The following CNN2 variants were observed in gnomAD, a reference collection of about 807,000 sequenced individuals.
CNN2 encodes the protein calponin-2.
Under a neutral mutation model 31.0 loss-of-function variants are expected in CNN2, and 21 were observed. That is an observed-to-expected ratio of 0.68 (90% CI 0.48 to 0.98). CNN2 has a LOEUF of 0.98. Ranked by LOEUF, CNN2 falls within the 50% of genes least tolerant of loss-of-function variation. CNN2 has a pLI of 0.00. For synonymous variants in CNN2, 165 were observed against 179.6 expected (o/e 0.92, Z 0.65); for missense variants, 399 against 427.3 (o/e 0.93, Z 0.58).
chr19:1,037,962 T>C lies in CNN2; in HGVS notation c.*62T>C, dbSNP rs2039625974. ...ATCTGGGTTTTTGGGTTTTTCTGTG[T>C]TTTCATCTTTTTTTTTTTTTTCTTA... is the stretch of plus-strand genomic sequence containing the variant. On this transcript the variant is annotated 3_prime_UTR_variant, in exon 7 of 7. Transcript: ENST00000263097. 2.1e-6 allele frequency: 3 copies of C among 1,399,148 alleles called. 1 individual carries two copies. The African/African-American group carries it at 5.9e-5, about 28-fold the overall frequency. 86.7% of individuals were successfully genotyped at this position (1,399,148 alleles called of 1,614,324 possible). A position where few individuals can be genotyped will look rare whatever the true frequency, so the allele number is the denominator to read the frequency against.
chr19:1,038,165 G>A lies in CNN2; in HGVS notation c.*265G>A. 1 of 400,364 alleles carries A rather than the reference G, an allele frequency of 2.5e-6. No individual in the cohort carries two copies. The highest frequency in any genetic ancestry group is 4.5e-6 in the Non-Finnish European group (1 of 224,110). The allele number at this position is 400,364 out of a possible 1,614,324, so 24.8% of individuals were successfully genotyped here. A position where few individuals can be genotyped will look rare whatever the true frequency, so the allele number is the denominator to read the frequency against. On this transcript the variant is annotated 3_prime_UTR_variant, in exon 7 of 7. Transcript: ENST00000263097. ...GCGAGGGTCCCTGCTGGCACATTCA[G>A]GCTGTGCTGGGAAGAAGAGACCTGG... is the stretch of plus-strand genomic sequence containing the variant.
In CNN2 at chr19:1,031,188, T is replaced by G; in HGVS notation, c.181T>G (p.Cys61Gly). Residue 61 changes from cysteine (C) to glycine (G), a missense_variant, in exon 2 of 7, where the codon TGC (cysteine) becomes GGC (glycine). Cys to Gly is a radical substitution (Grantham distance 159, BLOSUM62 -3). Coordinates refer to ENST00000263097, the MANE Select transcript of CNN2 (RefSeq NM_004368.4). ...GGGCCTGAAGGATGGAACTATCTTA[T>G]GCACGTGAGTACACGCAGGGACACA... Reference protein sequence around the residue: ...QKGLKDGTILCTLMNKLQPGS... With the variant: ...QKGLKDGTILGTLMNKLQPGS... The G allele has an allele frequency of 6.2e-7, 1 of 1,609,580 alleles. No homozygotes were observed. Among genetic ancestry groups the G allele is most frequent in the Non-Finnish European group, 8.5e-7 (1 of 1,177,050 alleles).
chr19:1,028,228 G>A (rs974382489), intron 1 of CNN2, among the ~76,000 whole-genome samples: 1 of 151,856 alleles, frequency 6.6e-6, no homozygotes, highest in Non-Finnish European at 1.5e-5. Flanking sequence ...AGCGGGCACA[G>A]GAGGGTGGGG....
At chr19:1,026,893 C>A in intron 1 of CNN2, 169 bp downstream of exon 1, 1 of 616,522 alleles carries the variant, frequency 1.6e-6, no homozygotes, top group Non-Finnish European at 2.7e-6. Context: ...CTGCGGGCAC[C>A]CCCTGAGGCT....
chr19:1,029,016 G>A (rs2039446074), intron 1 of CNN2, among the ~76,000 whole-genome samples: 1 of 151,998 alleles, frequency 6.6e-6, no homozygotes, highest in Non-Finnish European at 1.5e-5. Flanking sequence ...CAGGTCAGGG[G>A]ACCCTATCCC....
chr19:1,030,981 TC>T, intron 1 of CNN2, 89 bp from the exon 2 acceptor site: 2 of 1,458,344 alleles, frequency 1.4e-6, no homozygotes, highest in African/African-American at 1.4e-5. Context: ...TGCCCTGGAG[TC>T]CCCGGCCCCA....
chr19:1,026,875 G>C, intron 1 of CNN2, 151 bp downstream of exon 1: 1 of 718,128 alleles, frequency 1.4e-6, no homozygotes, highest in South Asian at 2.1e-5. Context: ...CGCCTGGTGG[G>C]GGGATGTCTG....
Position 1,032,714 on chromosome 19 carries a change from G to A in CNN2, c.390+18G>A. ...CGGGGAAGGTGAGGCCCAGAGAGGG[G>A]CAGCCACCTGCCCAGAGTCACACAG... On this transcript the variant is annotated intron_variant, in intron 4 of 6. Transcript: ENST00000263097. 1.3e-6 allele frequency: 2 copies of A among 1,575,964 alleles called. No individual in the cohort carries two copies. Among genetic ancestry groups the A allele is most frequent in the Non-Finnish European group, 1.7e-6 (2 of 1,151,930 alleles).
Position 1,036,222 on chromosome 19 carries a change from T to C in CNN2, c.483T>C (p.Ala161=). ...ATTTCGACGATGCCACCATGAAGGC[T>C]GGCCAGTGCGTCATCGGGCTGCAGG... ...ERNFDDATMK[A]GQCVIGLQMG... is the part of the protein sequence containing the mutation. Residue 161 remains alanine, a synonymous_variant, in exon 5 of 7, where the codon GCT becomes GCC. Coordinates refer to ENST00000263097, the MANE Select transcript of CNN2 (RefSeq NM_004368.4). 6.4e-7 allele frequency: 1 copy of C among 1,567,084 alleles called. No homozygotes were observed. Among genetic ancestry groups the C allele is most frequent in the Non-Finnish European group, 8.6e-7 (1 of 1,157,126 alleles).
intron 1 of CNN2, 86 bp from the exon 2 acceptor site, chr19:1,030,980 GTCCCC>G (rs2039479850): frequency 6.8e-7 from 1 of 1,466,168 alleles, no homozygotes; most frequent in South Asian, 1.3e-5. Flanking sequence ...TTGCCCTGGA[GTCCCC>G]GGCCCCACCC....
chr19:1,036,410 C>G lies in CNN2; in HGVS notation c.508-6C>G. Reference sequence around the variant, plus strand: ...AGTCTGACCTCTCCCACGAACCTCCCTGCAGATGGGCACCAACAAATGCGC... The same window carrying G: ...AGTCTGACCTCTCCCACGAACCTCCGTGCAGATGGGCACCAACAAATGCGC... On this transcript the variant is annotated splice_region_variant and splice_polypyrimidine_tract_variant and intron_variant, in intron 5 of 6. Transcript: ENST00000263097. 1 of 1,613,386 alleles carries G rather than the reference C, an allele frequency of 6.2e-7. No individual in the cohort carries two copies. Among genetic ancestry groups the G allele is most frequent in the African/African-American group, 1.3e-5 (1 of 75,026 alleles).
Position 1,038,057 on chromosome 19 carries a change from T to G in CNN2, c.*157T>G. The G allele has an allele frequency of 5.1e-6, 4 of 780,286 alleles. No homozygotes were observed. The highest frequency in any genetic ancestry group is 5.9e-6 in the Non-Finnish European group (3 of 505,396). 48.3% of individuals were successfully genotyped at this position (780,286 alleles called of 1,614,324 possible). A position where few individuals can be genotyped will look rare whatever the true frequency, so the allele number is the denominator to read the frequency against. On this transcript the variant is annotated 3_prime_UTR_variant, in exon 7 of 7. Coordinates refer to ENST00000263097, the MANE Select transcript of CNN2 (RefSeq NM_004368.4). ...CGTGGGATCAGGCAGCAGAGCTTTT[T>G]TCCCCTTTGCCTTGATCCTTCGCAA...
chr19:1,030,824 C>A, intron 1 of CNN2: 1 of 382,522 alleles, frequency 2.6e-6, no homozygotes, highest in African/African-American at 2.1e-5. Flanking sequence ...TGATGTTTAT[C>A]AGTGAGTTCT....
intron 1 of CNN2, among the ~76,000 whole-genome samples, chr19:1,027,287 G>T (rs12980170): frequency 0.057 from 8,737 of 152,310 alleles, 345 homozygotes; most frequent in East Asian, 0.11. Context: ...GCTTTGCACG[G>T]TCTTTGTCTC....
chr19:1,030,443 G>A (rs1329625905), intron 1 of CNN2, among the ~76,000 whole-genome samples: 2 of 152,044 alleles, frequency 1.3e-5, no homozygotes, highest in Admixed American at 6.6e-5. Context: ...TGGCTAACAC[G>A]GTGAAACCCC....
chr19:1,032,456 C>T lies in CNN2; in HGVS notation c.250C>T (p.Gln84Ter). The T allele has an allele frequency of 6.2e-7, 1 of 1,613,656 alleles. No individual in the cohort carries two copies. Among genetic ancestry groups the T allele is most frequent in the Non-Finnish European group, 8.5e-7 (1 of 1,179,970 alleles). The change falls in exon 3 of 7, where the codon CAG (glutamine) becomes TAG (stop). Residue 84 changes from glutamine to a stop codon, truncating the protein, a stop_gained and splice_region_variant. Transcript: ENST00000263097. LOFTEE classifies it high-confidence loss of function. ...KINRSMQNWH[Q>*]LENLSNFIKA... ...CAACCGCTCCATGCAGAACTGGCAC[C>T]AGGTGAGGGGCTGGTGGAGCGGAGC... is the stretch of plus-strand genomic sequence containing the variant.
intron 1 of CNN2, chr19:1,030,831 T>A: frequency 2.3e-6 from 1 of 431,446 alleles, no homozygotes; most frequent in East Asian, 4.4e-5. Context: ...TATCAGTGAG[T>A]TCTAAGCCGG....
At chr19:1,036,974 C>A in intron 6 of CNN2, 1 of 277,054 alleles carries the variant, frequency 3.6e-6, no homozygotes. Flanking sequence ...CTTCCTGCCT[C>A]AGCCTCCCGA....
intron 6 of CNN2, chr19:1,037,299 G>T: frequency 4.4e-6 from 1 of 228,894 alleles, no homozygotes; most frequent in South Asian, 6.2e-5. Flanking sequence ...CACCACGCCC[G>T]GCTAATTTTT....
Sources: gnomAD v4.1 joint callset for allele counts (sites outside exome capture counted in the v4.1 genomes callset) on GRCh38, gnomAD v4.1.1 for gene constraint, MANE v1.5 for transcripts, NCBI Gene and HGNC (gene_info 2026-07-23, HGNC 2026-07-21) for gene names.